TTC21A: variants seen among roughly 807,000 people sequenced by gnomAD.
TTC21A encodes tetratricopeptide repeat protein 21A.
TTC21A carries 128 observed loss-of-function variants against 156.4 expected under a neutral mutation model. That is an observed-to-expected ratio of 0.82 (90% CI 0.71 to 0.95). TTC21A has a LOEUF of 0.95. TTC21A is among the 40% of genes least tolerant of loss of function. TTC21A has a pLI of 0.00. For missense variants in TTC21A, 1,435 were observed against 1,602.3 expected, an observed-to-expected ratio of 0.90 and a Z score of 1.78; for synonymous variants, 587 against 617.1, an observed-to-expected ratio of 0.95 and a Z score of 0.72.
At chr3:39,115,683 TAAAAC>T (rs538084429) in intron 6 of TTC21A, among the ~76,000 whole-genome samples, 76 of 152,062 alleles carry the variant, frequency 5.0e-4, no homozygotes, top group Non-Finnish European at 8.7e-4. Context: ...AATAAATAAA[TAAAAC>T]AAAATAAAAA....
chr3:39,136,751 G>C, intron 23 of TTC21A, 148 bp from the exon 24 acceptor site: 1 of 1,121,286 alleles, frequency 8.9e-7, no homozygotes, highest in South Asian at 1.5e-5. Flanking sequence ...CAACACACAG[G>C]TCCGACGCCC....
chr3:39,135,269 G>A (rs2039030655), intron 22 of TTC21A, 95 bp downstream of exon 22: 7 of 1,061,846 alleles, frequency 6.6e-6, no homozygotes, highest in Non-Finnish European at 4.4e-6. Flanking sequence ...TTCCTGACTG[G>A]GCAGAGGAAG....
chr3:39,136,760 C>A, intron 23 of TTC21A, 139 bp from the exon 24 acceptor site: 1 of 1,197,538 alleles, frequency 8.4e-7, no homozygotes. Context: ...GGTCCGACGC[C>A]CGCATCTCCT....
chr3:39,119,635 A>AAAAAAAAGAAAAAAAAG (rs571743923), intron 7 of TTC21A: 1 of 200,870 alleles, frequency 5.0e-6, no homozygotes, highest in African/African-American at 2.9e-5. Flanking sequence ...AGCAGTCAAA[A>AAAAAAAAGAAAAAAAAG]AAAAAAAAGA....
intron 1 of TTC21A, among the ~76,000 whole-genome samples, chr3:39,108,729 C>T (rs2036502206): frequency 6.6e-6 from 1 of 152,192 alleles, no homozygotes; most frequent in Admixed American, 6.5e-5. Flanking sequence ...GATATGAAGC[C>T]CACAATAACT....
chr3:39,130,046 C>T lies in TTC21A; in HGVS notation c.2136-33C>T. The stretch of plus-strand genomic sequence containing the variant: ...TCAGGAACATGAGGTGTGTGCGAAC[C>T]TGGGATAAGCTTTTGGTTACTCTTG... On this transcript the variant is annotated intron_variant, in intron 15 of 28. Transcript: ENST00000683103. The surrounding 1 kb of genome is among the most constrained non-coding windows in gnomAD (Gnocchi z 4.5). 1 of 1,611,434 alleles carries T rather than the reference C, an allele frequency of 6.2e-7. No homozygotes were observed. The highest frequency in any genetic ancestry group is 1.3e-5 in the African/African-American group (1 of 74,992).
intron 4 of TTC21A, among the ~76,000 whole-genome samples, chr3:39,111,703 A>C (rs1253111341): frequency 1.3e-5 from 2 of 152,328 alleles, no homozygotes; most frequent in African/African-American, 4.8e-5. Flanking sequence ...TACAGTACAC[A>C]ATACACAGAT....
chr3:39,132,076 C>T (rs561010220), intron 19 of TTC21A, among the ~76,000 whole-genome samples: 1 of 152,154 alleles, frequency 6.6e-6, no homozygotes, highest in African/African-American at 2.4e-5. Flanking sequence ...CTAGTGTAGC[C>T]TATTGCTCTG....
Position 39,136,390 on chromosome 3 carries a change from T to C in TTC21A, c.2978T>C (p.Leu993Pro). ...NFLVLHKLID[L>P]LRRSGKLEDI... ...TTGGTATTGCATAAATTAATCGATC[T>C]GCTAAGAAGAAGTGGAAAACTTGAA... The change falls in exon 23 of 29, where the codon CTG (leucine) becomes CCG (proline). Residue 993 changes from leucine to proline, a missense_variant. Physicochemically the swap from Leu to Pro is moderately conservative, Grantham distance 98 (BLOSUM62 -3). Coordinates refer to ENST00000683103, the MANE Select transcript of TTC21A (RefSeq NM_001366900.1). 6.2e-7 allele frequency: 1 copy of C among 1,613,446 alleles called. No homozygotes were observed. Among genetic ancestry groups the C allele is most frequent in the Non-Finnish European group, 8.5e-7 (1 of 1,179,794 alleles).
intron 12 of TTC21A, 74 bp downstream of exon 12, chr3:39,126,464 G>T (rs2125824309): frequency 7.6e-7 from 1 of 1,307,780 alleles, no homozygotes; most frequent in South Asian, 1.2e-5. Context: ...CAGGCTCCTT[G>T]CCTAGGATAC....
intron 26 of TTC21A, 74 bp from the exon 27 acceptor site, chr3:39,138,193 C>T (rs750355170): frequency 2.4e-5 from 38 of 1,601,530 alleles, no homozygotes; most frequent in Non-Finnish European, 2.8e-5. Flanking sequence ...TGGTTCTGGT[C>T]CCAGTCCCAC....
chr3:39,111,117 G>T (rs1045493248), intron 4 of TTC21A, 100 bp downstream of exon 4: 4 of 1,349,128 alleles, frequency 3.0e-6, no homozygotes, highest in Non-Finnish European at 4.0e-6. Context: ...GAAACTGGGG[G>T]AGAGCCACAC....
chr3:39,116,116 T>TCCCTGG (rs1013028582), intron 6 of TTC21A, among the ~76,000 whole-genome samples: 10 of 152,362 alleles, frequency 6.6e-5, no homozygotes, highest in African/African-American at 2.2e-4. Flanking sequence ...GTTTGTGGCC[T>TCCCTGG]CCCTGGCCCT....
intron 2 of TTC21A, 37 bp downstream of exon 2, chr3:39,109,251 C>A: frequency 6.3e-7 from 1 of 1,596,854 alleles, no homozygotes; most frequent in Non-Finnish European, 8.6e-7. Context: ...TGACCCCAGG[C>A]ACTAGCTGGG....
At chr3:39,128,266 C>G in intron 12 of TTC21A, 65 bp from the exon 13 acceptor site, 1 of 1,538,382 alleles carries the variant, frequency 6.5e-7, no homozygotes, top group Non-Finnish European at 8.9e-7. Flanking sequence ...TCATTCTGCC[C>G]TTGCATATCA....
At chr3:39,132,814 G>A (rs1168138489) in intron 19 of TTC21A, 2 of 573,724 alleles carry the variant, frequency 3.5e-6, no homozygotes, top group African/African-American at 3.7e-5. Flanking sequence ...AACAGGCTAA[G>A]TACAAAAGCG....
chr3:39,126,352 AC>A lies in TTC21A; in HGVS notation c.1489del (p.Leu497CysfsTer3), dbSNP rs754316233. On this transcript the variant is annotated frameshift_variant, in exon 12 of 29. Transcript: ENST00000683103. LOFTEE classifies it high-confidence loss of function. ...GTCAAAGCAGCACCAGCTCTGATCG[AC>A]CCCCTGTATTTGATGGCTCAGGTCA... Reference protein sequence around the residue: ...PVVKAAPALIDPLYLMAQVRY... With the variant: ...PVVKAAPALIXPLYLMAQVRY... The A allele has an allele frequency of 3.1e-6, 5 of 1,612,904 alleles. No individual in the cohort carries two copies. The highest frequency in any genetic ancestry group is 2.2e-5 in the East Asian group (1 of 44,856).
chr3:39,110,441 C>T (rs2036711946), intron 3 of TTC21A: 2 of 529,482 alleles, frequency 3.8e-6, no homozygotes, highest in Admixed American at 6.3e-5. Context: ...GTCAGAAAAA[C>T]CAAGCCAATA....
chr3:39,121,032 TA>T lies in TTC21A; in HGVS notation c.937del (p.Ser313ValfsTer26). ...ACCAGGTGATTCTAGGGCTAGTGTG[TA>T]GTTTCATCGAGCGCACCTTCATGGC... ...SHQVILGLVC[S>X]FIERTFMATP... On this transcript the variant is annotated frameshift_variant, in exon 9 of 29. Transcript: ENST00000683103. LOFTEE classifies it high-confidence loss of function. 1 of 1,613,140 alleles carries T rather than the reference TA, an allele frequency of 6.2e-7. No homozygotes were observed. Among genetic ancestry groups the T allele is most frequent in the Non-Finnish European group, 8.5e-7 (1 of 1,179,404 alleles).
Sources: allele counts gnomAD v4.1 joint callset (sites outside exome capture counted in the v4.1 genomes callset), GRCh38; gene constraint gnomAD v4.1.1; non-coding constraint Gnocchi (gnomAD v3.1); transcripts MANE v1.5; gene names NCBI Gene and HGNC (gene_info 2026-07-23, HGNC 2026-07-21).